CRNN: variants seen among roughly 807,000 people sequenced by gnomAD.
CRNN encodes cornulin, also known as 53 kDa putative calcium-binding protein.
A neutral mutation model predicts 44.7 loss-of-function variants in CRNN; 39 were observed. That is an observed-to-expected ratio of 0.87 (90% CI 0.68 to 1.14). The LOEUF (loss-of-function observed/expected upper bound fraction) is 1.14. Ranked by LOEUF, CRNN falls within the 50% of genes most tolerant of loss-of-function variation. The probability of loss-of-function intolerance (pLI) is 0.00; values close to 1 mark genes in which losing one functional copy is unlikely to be tolerated. For missense variants in CRNN, 606 were observed against 605.1 expected (o/e 1.00, Z -0.02); for synonymous variants, 240 against 231.8 (o/e 1.04, Z -0.32).
Position 152,409,323 on chromosome 1 carries a change from C to T in CRNN, c.*271G>A, listed in dbSNP as rs1655675427. 6.5e-6 allele frequency: 3 copies of T among 462,448 alleles called. No individual in the cohort carries two copies. The highest frequency in any genetic ancestry group is 1.1e-5 in the Non-Finnish European group (3 of 267,202). The allele number at this position is 462,448 out of a possible 1,614,324, so 28.6% of individuals were successfully genotyped here. ...TCAGAGATAAAAATAGTCCTGAAAC[C>T]CCCCACAAGATGAGGACAATTCAGT... On this transcript the variant is annotated 3_prime_UTR_variant, in exon 3 of 3. Coordinates refer to ENST00000271835, the MANE Select transcript of CRNN (RefSeq NM_016190.3).
chr1:152,410,231 C>T lies in CRNN; in HGVS notation c.851G>A (p.Gly284Glu), dbSNP rs1419378727. The change falls in exon 3 of 3, where the codon GGA becomes GAA. Residue 284 changes from glycine (G) to glutamate (E), a missense_variant. Physicochemically the swap from Gly to Glu is moderately conservative, Grantham distance 98 (BLOSUM62 -2). Transcript: ENST00000271835. ...GRSQTSQAVT[G>E]GHAQIQAGTH... ...CCCTGCCTGTATCTGAGCATGTCCT[C>T]CTGTCACAGCCTGGCTGGTCTGGCT... 7.4e-6 allele frequency: 12 copies of T among 1,613,166 alleles called. No homozygotes were observed. Among genetic ancestry groups the T allele is most frequent in the Middle Eastern group, 1.6e-4 (1 of 6,084 alleles).
At position 152,409,814 on chromosome 1, in the gene CRNN, CT is replaced by C. The variant is rs746888522; in HGVS notation, c.1267del (p.Arg423GlyfsTer4). 1.4e-5 allele frequency: 22 copies of C among 1,614,086 alleles called. No homozygotes were observed. The highest frequency in any genetic ancestry group is 1.7e-5 in the Non-Finnish European group (20 of 1,180,030). ...TCCCTGCCCTTCTGTCACACAGCGC[CT>C]TGGGTGAGTGCTGCTCCACTCCTGC... is the stretch of plus-strand genomic sequence containing the variant. ...GRQEWSSTHP[R>X]RCVTEGQGDR... is the part of the protein sequence containing the mutation. On this transcript the variant is annotated frameshift_variant, in exon 3 of 3. Coordinates refer to ENST00000271835, the MANE Select transcript of CRNN (RefSeq NM_016190.3). LOFTEE classifies it high-confidence loss of function.
Position 152,409,815 on chromosome 1 carries a change from T to G in CRNN, c.1267A>C (p.Arg423=). 1.2e-6 allele frequency: 2 copies of G among 1,614,140 alleles called. No individual in the cohort carries two copies. The highest frequency in any genetic ancestry group is 2.2e-5 in the South Asian group (2 of 91,084). ...CCCTGCCCTTCTGTCACACAGCGCC[T>G]TGGGTGAGTGCTGCTCCACTCCTGC... ...GRQEWSSTHP[R]RCVTEGQGDR... Residue 423 remains arginine, a synonymous_variant, in exon 3 of 3, where the codon AGG becomes CGG. Coordinates refer to ENST00000271835, the MANE Select transcript of CRNN (RefSeq NM_016190.3).
At position 152,409,967 on chromosome 1, in the gene CRNN, C is replaced by G. The variant is rs202167285; in HGVS notation, c.1115G>C (p.Arg372Thr). 3 of 1,614,166 alleles carry G rather than the reference C, an allele frequency of 1.9e-6. No individual in the cohort carries two copies. The highest frequency in any genetic ancestry group is 2.2e-5 in the East Asian group (1 of 44,874). Residue 372 changes from arginine to threonine, a missense_variant, in exon 3 of 3, where the codon AGA (arginine) becomes ACA (threonine). Physicochemically the swap from Arg to Thr is moderately conservative, Grantham distance 71. Transcript: ENST00000271835. Reference protein sequence around the residue: ...RSQTVSHGGAREQGQTQTQPG... With the variant: ...RSQTVSHGGATEQGQTQTQPG... ...CTGCGTCTGGGTCTGTCCCTGTTCT[C>G]TAGCCCCTCCGTGGCTTACAGTTTG... is the stretch of plus-strand genomic sequence containing the variant.
In CRNN at chr1:152,410,171, T is replaced by G. The variant is rs747393833; in HGVS notation, c.911A>C (p.Gln304Pro). The G allele has an allele frequency of 2.6e-5, 42 of 1,613,534 alleles. No individual in the cohort carries two copies. The South Asian group carries it at 4.6e-4, about 18-fold the overall frequency. The change falls in exon 3 of 3, where the codon CAG becomes CCG. Residue 304 changes from glutamine to proline, a missense_variant. Coordinates refer to ENST00000271835, the MANE Select transcript of CRNN (RefSeq NM_016190.3). ...GCTTCCTGTCTGGTGGCTGCTGTCC[T>G]GCTCCACGGTCTGGGTGGGTGTCTG... ...HTQTPTQTVE[Q>P]DSSHQTGSTS... is the part of the protein sequence containing the mutation.
At position 152,413,721 on chromosome 1, in the gene CRNN, A is replaced by C. The variant is rs190877912; in HGVS notation, c.-14+493T>G. ...CTTTAACCACTGACCTTTAGATAAT[A>C]AAATAATAAGATGACCTTTTAGTTA... is the stretch of plus-strand genomic sequence containing the variant. On this transcript the variant is annotated intron_variant, in intron 1 of 2. Transcript: ENST00000271835. Among the ~76,000 whole-genome samples, 179 of 152,346 alleles carry C rather than the reference A, an allele frequency of 1.2e-3. 1 individual carries two copies. The highest frequency in any genetic ancestry group is 3.5e-3 in the Admixed American group (54 of 15,310).
At position 152,409,872 on chromosome 1, in the gene CRNN, C is replaced by A. The variant is rs932714504; in HGVS notation, c.1210G>T (p.Ala404Ser). The part of the protein sequence containing the change: ...EAGETVPGGQ[A>S]QTGASTESGR... Reference sequence around the variant, plus strand: ...GACTCAGTGCTTGCCCCAGTCTGGGCCTGTCCTCCCGGTACTGTCTCTCCT... The same window carrying A: ...GACTCAGTGCTTGCCCCAGTCTGGGACTGTCCTCCCGGTACTGTCTCTCCT... The change falls in exon 3 of 3, where the codon GCC (alanine) becomes TCC (serine). Residue 404 changes from alanine to serine, a missense_variant. Physicochemically the swap from Ala to Ser is moderately conservative, Grantham distance 99 (BLOSUM62 1). Transcript: ENST00000271835. 6.2e-7 allele frequency: 1 copy of A among 1,614,214 alleles called. No individual in the cohort carries two copies. The highest frequency in any genetic ancestry group is 8.5e-7 in the Non-Finnish European group (1 of 1,180,046).
Position 152,412,207 on chromosome 1 carries a change from A to G in CRNN, c.27T>C (p.Asn9=), listed in dbSNP as rs1655789995. MPQLLQNI[N]GIIEAFRRYA... The stretch of plus-strand genomic sequence containing the variant: ...AGCGCCTGAAGGCCTCGATGATCCC[A>G]TTAATGTTTTGCAGTAACTGAGGCA... The change falls in exon 2 of 3, where the codon AAT becomes AAC. Residue 9 remains asparagine (N), a synonymous_variant. Coordinates refer to ENST00000271835, the MANE Select transcript of CRNN (RefSeq NM_016190.3). The G allele has an allele frequency of 1.2e-6, 2 of 1,611,834 alleles. No homozygotes were observed. The highest frequency in any genetic ancestry group is 1.1e-5 in the South Asian group (1 of 90,988).
chr1:152,412,392 T>A, intron 1 of CRNN, 146 bp from the exon 2 acceptor site: 1 of 809,036 alleles, frequency 1.2e-6, no homozygotes, highest in Non-Finnish European at 1.9e-6. Flanking sequence ...GCATCTTATG[T>A]ATGGGAAGGA....
intron 1 of CRNN, among the ~76,000 whole-genome samples, chr1:152,413,473 G>GA (rs892456722): frequency 6.6e-6 from 1 of 151,990 alleles, no homozygotes; most frequent in Admixed American, 6.6e-5. Context: ...AGAAGAAAGA[G>GA]AAAAAAGGAA....
rs140890124 is a variant in CRNN at position 152,410,268 on chromosome 1, C to T, written c.814G>A (p.Gly272Ser). Residue 272 changes from glycine (G) to serine (S), a missense_variant, in exon 3 of 3, where the codon GGT becomes AGT. Coordinates refer to ENST00000271835, the MANE Select transcript of CRNN (RefSeq NM_016190.3). ...NDQNRGTETH[G>S]QGRSQTSQAV... The stretch of plus-strand genomic sequence containing the variant: ...TGGCTGGTCTGGCTCCTGCCTTGAC[C>T]GTGGGTCTCAGTCCCTCTGTTCTGG... 36 of 1,613,802 alleles carry T rather than the reference C, an allele frequency of 2.2e-5. No homozygotes were observed. The highest frequency in any genetic ancestry group is 8.9e-5 in the East Asian group (4 of 44,830).
chr1:152,413,637 A>G (rs1433950385), intron 1 of CRNN, among the ~76,000 whole-genome samples: 2 of 152,286 alleles, frequency 1.3e-5, no homozygotes, highest in South Asian at 2.1e-4. Flanking sequence ...AAAACTGGGG[A>G]TGTTTTCCTC....
Position 152,410,885 on chromosome 1 carries a change from G to A in CRNN, c.197C>T (p.Thr66Ile). ...GAATTCCTTGAATTCCACAGTCCCT[G>A]TGTGGTCTTCATCCAGCAGACGCAG... ...EVLRLLDEDH[T>I]GTVEFKEFLV... Residue 66 changes from threonine to isoleucine, a missense_variant, in exon 3 of 3, where the codon ACA becomes ATA. Physicochemically the swap from Thr to Ile is moderately conservative, Grantham distance 89. Coordinates refer to ENST00000271835, the MANE Select transcript of CRNN (RefSeq NM_016190.3). 6.2e-7 allele frequency: 1 copy of A among 1,614,104 alleles called. No individual in the cohort carries two copies. The highest frequency in any genetic ancestry group is 2.2e-5 in the East Asian group (1 of 44,866).
Position 152,409,816 on chromosome 1 carries a change from T to G in CRNN, c.1266A>C (p.Pro422=). The G allele has an allele frequency of 3.7e-6, 6 of 1,614,184 alleles. No individual in the cohort carries two copies. The highest frequency in any genetic ancestry group is 5.1e-6 in the Non-Finnish European group (6 of 1,180,018). The change falls in exon 3 of 3, where the codon CCA becomes CCC. Residue 422 remains proline, a synonymous_variant. Transcript: ENST00000271835. ...CCTGCCCTTCTGTCACACAGCGCCTTGGGTGAGTGCTGCTCCACTCCTGCC... is the reference window on the plus strand; with the variant it reads ...CCTGCCCTTCTGTCACACAGCGCCTGGGGTGAGTGCTGCTCCACTCCTGCC... ...SGRQEWSSTH[P]RRCVTEGQGD... is the part of the protein sequence containing the mutation.
In CRNN at chr1:152,410,414, G is replaced by C. The variant is rs116629780; in HGVS notation, c.668C>G (p.Thr223Arg). Residue 223 changes from threonine to arginine, a missense_variant, in exon 3 of 3, where the codon ACA becomes AGA. Thr to Arg is a moderately conservative substitution (Grantham distance 71, BLOSUM62 -1). Transcript: ENST00000271835. ...TCCAGATCCAGTCACAGTCTCACCT[G>C]TCTGGTGGGCTCTGTCCTGTTCCCT... ...QTREQDRAHQ[T>R]GETVTGSGTQ... is the part of the protein sequence containing the mutation. 7 of 1,614,188 alleles carry C rather than the reference G, an allele frequency of 4.3e-6. No homozygotes were observed. The African/African-American group carries it at 9.3e-5, about 22-fold the overall frequency.
At chr1:152,414,170 A>G (rs1478363715) in intron 1 of CRNN, 44 bp downstream of exon 1, 1 of 152,426 alleles carries the variant, frequency 6.6e-6, no homozygotes, top group African/African-American at 2.4e-5. Context: ...TCAGATCACC[A>G]AGACACTGAG....
rs144243061 is a variant in CRNN at position 152,409,847 on chromosome 1, G to A, written c.1235C>T (p.Ser412Leu). ...AGTGCTGCTCCACTCCTGCCTTCCT[G>A]ACTCAGTGCTTGCCCCAGTCTGGGC... ...GQAQTGASTE[S>L]GRQEWSSTHP... Residue 412 changes from serine to leucine, a missense_variant, in exon 3 of 3, where the codon TCA becomes TTA. Physicochemically the swap from Ser to Leu is moderately radical, Grantham distance 145. Transcript: ENST00000271835. The A allele has an allele frequency of 2.4e-5, 38 of 1,614,170 alleles. No homozygotes were observed. The Middle Eastern group carries it at 6.6e-4, about 28-fold the overall frequency.
rs1557914525 is a variant in CRNN at position 152,409,737 on chromosome 1, C to G, written c.1345G>C (p.Glu449Gln). The G allele has an allele frequency of 6.2e-7, 1 of 1,614,224 alleles. No homozygotes were observed. Residue 449 changes from glutamate (E) to glutamine (Q), a missense_variant, in exon 3 of 3, where the codon GAG becomes CAG. Coordinates refer to ENST00000271835, the MANE Select transcript of CRNN (RefSeq NM_016190.3). ...GEEWVDDHSR[E>Q]TVILRLDQGN... The stretch of plus-strand genomic sequence containing the variant: ...TGGTCCAGCCTGAGGATCACTGTCT[C>G]CCTTGAGTGGTCATCAACCCATTCC...
intron 2 of CRNN, among the ~76,000 whole-genome samples, chr1:152,411,677 T>C (rs1655770977): frequency 6.6e-6 from 1 of 152,210 alleles, no homozygotes. Flanking sequence ...AACTGCTTCG[T>C]GCAAGCCCAG....
Sources: allele counts gnomAD v4.1 joint callset (sites outside exome capture counted in the v4.1 genomes callset), GRCh38; gene constraint gnomAD v4.1.1; transcripts MANE v1.5; gene names NCBI Gene and HGNC (gene_info 2026-07-23, HGNC 2026-07-21).